RTN4: variants seen among roughly 807,000 people sequenced by gnomAD.
RTN4 encodes the protein reticulon 4, also known as reticulon-4.
A neutral mutation model predicts 90.4 loss-of-function variants in RTN4; 32 were observed. That is an observed-to-expected ratio of 0.35 (90% confidence interval 0.27 to 0.48). RTN4 has a LOEUF of 0.48. RTN4 is among the 20% of genes least tolerant of loss of function. RTN4 has a pLI of 0.99. For missense variants in RTN4, 1,706 were observed against 1,430.2 expected (o/e 1.19, Z -3.11); for synonymous variants, 629 against 552.5 (o/e 1.14, Z -1.94).
chr2:54,987,298 T>TC (rs1487010737), intron 4 of RTN4, among the ~76,000 whole-genome samples, 193 bp downstream of exon 4: 3 of 152,220 alleles, frequency 2.0e-5, no homozygotes, highest in African/African-American at 7.2e-5. Flanking sequence ...AACAGTCTCC[T>TC]CCATCATGAG....
chr2:54,985,153 C>CTTTTTTTTTTTT (rs71769973), intron 4 of RTN4, among the ~76,000 whole-genome samples: 2 of 57,864 alleles, frequency 3.5e-5, no homozygotes, highest in African/African-American at 1.4e-4. Flanking sequence ...ATGACTCGGC[C>CTTTTTTTTTTTT]TTTTTTTTTT....
At chr2:55,007,623 T>C (rs1034541178) in intron 3 of RTN4, among the ~76,000 whole-genome samples, 3 of 152,038 alleles carry the variant, frequency 2.0e-5, no homozygotes, top group Non-Finnish European at 2.9e-5. Context: ...TTTCCCGAAT[T>C]TGCCCAACAA....
intron 3 of RTN4, among the ~76,000 whole-genome samples, chr2:55,015,942 A>C (rs571262628): frequency 6.6e-6 from 1 of 152,328 alleles, no homozygotes; most frequent in South Asian, 2.1e-4. Flanking sequence ...CTGGTGGCCA[A>C]TTTTTATACA....
chr2:55,020,996 G>A (rs1047632065), intron 3 of RTN4, among the ~76,000 whole-genome samples: 1 of 151,774 alleles, frequency 6.6e-6, no homozygotes, highest in Non-Finnish European at 1.5e-5. Flanking sequence ...AACCTGTCTC[G>A]AAAAAAGAAA....
At chr2:55,046,666 A>G (rs1384309353) in intron 1 of RTN4, 1 of 152,208 alleles carries the variant, frequency 6.6e-6, no homozygotes, top group East Asian at 1.9e-4. Flanking sequence ...TTATTGCTAT[A>G]CCCTCAAAGC....
intron 1 of RTN4, among the ~76,000 whole-genome samples, chr2:55,033,142 T>G (rs1682444606): frequency 6.7e-6 from 1 of 150,100 alleles, no homozygotes; most frequent in South Asian, 2.1e-4. Context: ...CTCAATGTAC[T>G]CCAAGCAGAA....
intron 1 of RTN4, among the ~76,000 whole-genome samples, chr2:55,085,278 TGTGTGTGGGG>T (rs1668815417): frequency 1.3e-5 from 2 of 151,894 alleles, no homozygotes; most frequent in Non-Finnish European, 1.5e-5. Context: ...GTGTAATAGG[TGTGTGTGGGG>T]GTGTGTGTGT....
the RTN4 span, among the ~76,000 whole-genome samples, chr2:55,129,752 AG>A: frequency 6.6e-6 from 1 of 152,120 alleles, no homozygotes; most frequent in Non-Finnish European, 1.5e-5. Flanking sequence ...TAGTAGAGAC[AG>A]GGTTTCACCG....
the RTN4 span, among the ~76,000 whole-genome samples, chr2:55,117,669 G>T: frequency 2.0e-5 from 3 of 152,166 alleles, no homozygotes; most frequent in African/African-American, 4.8e-5. Flanking sequence ...ATATGCAAAA[G>T]AAACCAGACA....
intron 1 of RTN4, among the ~76,000 whole-genome samples, chr2:55,042,154 T>G (rs1683116889): frequency 6.6e-6 from 1 of 152,124 alleles, no homozygotes; most frequent in Non-Finnish European, 1.5e-5. Context: ...TTGGTAAAGA[T>G]ATAAGGGAAA....
intron 2 of RTN4, among the ~76,000 whole-genome samples, chr2:55,059,649 CA>C (rs1668254570): frequency 1.3e-5 from 2 of 151,946 alleles, no homozygotes; most frequent in Non-Finnish European, 2.9e-5. Context: ...GCCTGGCCAA[CA>C]TGGTGAAACC....
At chr2:55,020,864 A>G (rs1681374777) in intron 3 of RTN4, among the ~76,000 whole-genome samples, 1 of 152,084 alleles carries the variant, frequency 6.6e-6, no homozygotes, top group South Asian at 2.1e-4. Context: ...TTAGCCAGGC[A>G]TAGTGACACG....
At chr2:55,090,723 A>G (rs1433879451) in intron 1 of RTN4, among the ~76,000 whole-genome samples, 4 of 152,202 alleles carry the variant, frequency 2.6e-5, no homozygotes, top group African/African-American at 9.6e-5. Context: ...CCAATTGCTC[A>G]TACAATTTCT....
At position 54,972,652 on chromosome 2, in the gene RTN4, G is replaced by A. The variant is rs1047462202; in HGVS notation, c.*504C>T. 6.5e-6 allele frequency: 1 copy of A among 152,792 alleles called. No individual in the cohort carries two copies. The highest frequency in any genetic ancestry group is 6.5e-5 in the Admixed American group (1 of 15,270). 9.5% of individuals were successfully genotyped at this position (152,792 alleles called of 1,614,324 possible). A position where few individuals can be genotyped will look rare whatever the true frequency, so the allele number is the denominator to read the frequency against. ...ATTGGCAATTAATATAACAGTAAAA[G>A]TCACAATACACCTAGAACATACCAG... On this transcript the variant is annotated 3_prime_UTR_variant, in exon 9 of 9. Transcript: ENST00000337526.
At chr2:55,127,689 C>G in the RTN4 span, among the ~76,000 whole-genome samples, 1 of 152,196 alleles carries the variant, frequency 6.6e-6, no homozygotes, top group Non-Finnish European at 1.5e-5. Flanking sequence ...AGTTTCATAG[C>G]TGCCAAAGGA....
intron 2 of RTN4, among the ~76,000 whole-genome samples, chr2:55,066,205 G>T (rs919502607): frequency 6.6e-6 from 1 of 150,982 alleles, no homozygotes; most frequent in South Asian, 2.1e-4. Flanking sequence ...GTGTGTGTGT[G>T]TGTGTGTGTG....
At chr2:55,065,872 T>C (rs542598631) in intron 2 of RTN4, among the ~76,000 whole-genome samples, 1 of 152,232 alleles carries the variant, frequency 6.6e-6, no homozygotes, top group South Asian at 2.1e-4. Flanking sequence ...ATGCTGGAAC[T>C]ACTCTATACT....
At chr2:55,034,361 G>A (rs1245739455) in intron 1 of RTN4, among the ~76,000 whole-genome samples, 5 of 152,058 alleles carry the variant, frequency 3.3e-5, no homozygotes, top group Non-Finnish European at 5.9e-5. Context: ...CATTAGCCAG[G>A]CACGGTAGCG....
chr2:55,128,542 C>T, the RTN4 span, among the ~76,000 whole-genome samples: 1 of 152,136 alleles, frequency 6.6e-6, no homozygotes, highest in Admixed American at 6.5e-5. Flanking sequence ...AGTCCCAACT[C>T]ACTGCAACCT....
Sources: gnomAD v4.1 joint callset for allele counts (sites outside exome capture counted in the v4.1 genomes callset) on GRCh38, gnomAD v4.1.1 for gene constraint, MANE v1.5 for transcripts, NCBI Gene and HGNC (gene_info 2026-07-23, HGNC 2026-07-21) for gene names.